Variants in MARCHF1 observed in about 807,000 individuals in gnomAD.
MARCHF1 encodes E3 ubiquitin-protein ligase MARCHF1.
A neutral mutation model predicts 54.2 loss-of-function variants in MARCHF1; 40 were observed. The observed-to-expected ratio is 0.74, with a 90% CI of 0.57 to 0.96. The LOEUF (loss-of-function observed/expected upper bound fraction) is 0.96. Ranked by LOEUF, MARCHF1 falls within the 40% of genes least tolerant of loss-of-function variation. The pLI, the probability that MARCHF1 is intolerant of heterozygous loss-of-function variation, is 0.00. For missense variants in MARCHF1, 586 were observed against 656.5 expected (o/e 0.89, Z 1.17); for synonymous variants, 236 against 236.3 (o/e 1.00, Z 0.01).
At chr4:163,563,833 A>G (rs1168293101) in intron 8 of MARCHF1, among the ~76,000 whole-genome samples, 1 of 152,246 alleles carries the variant, frequency 6.6e-6, no homozygotes, top group East Asian at 1.9e-4. Context: ...AGTGGATCTT[A>G]GAATACAGTT....
chr4:163,699,571 C>G (rs112324972), intron 5 of MARCHF1, among the ~76,000 whole-genome samples: 1 of 152,126 alleles, frequency 6.6e-6, no homozygotes, highest in African/African-American at 2.4e-5. Context: ...GGAAGTTGAT[C>G]TACTTTCTTT....
At chr4:164,282,519 T>C (rs910242421) in intron 1 of MARCHF1, among the ~76,000 whole-genome samples, 1 of 150,742 alleles carries the variant, frequency 6.6e-6, no homozygotes, top group Non-Finnish European at 1.5e-5. Flanking sequence ...TATACTACTT[T>C]CCCACCATTC....
intron 2 of MARCHF1, among the ~76,000 whole-genome samples, chr4:164,101,208 G>C (rs915431128): frequency 3.3e-5 from 5 of 152,186 alleles, no homozygotes; most frequent in African/African-American, 7.2e-5. Context: ...CATTGCCCAG[G>C]CTTGATTAGG....
intron 1 of MARCHF1, among the ~76,000 whole-genome samples, chr4:164,179,199 T>G (rs1045121000): frequency 6.6e-6 from 1 of 152,138 alleles, no homozygotes; most frequent in African/African-American, 2.4e-5. Flanking sequence ...AGAGGGAGAT[T>G]ATATTTTTCC....
intron 9 of MARCHF1, among the ~76,000 whole-genome samples, chr4:163,534,904 C>G (rs561061502): frequency 6.6e-6 from 1 of 152,028 alleles, no homozygotes; most frequent in African/African-American, 2.4e-5. Context: ...TTCCAATACT[C>G]TCCAGAAACA....
intron 1 of MARCHF1, among the ~76,000 whole-genome samples, chr4:164,173,890 AAC>A (rs1304174916): frequency 6.6e-6 from 1 of 152,202 alleles, no homozygotes; most frequent in Non-Finnish European, 1.5e-5. Context: ...AGAGCAGACT[AAC>A]ACACAATTCC....
chr4:163,719,957 T>A (rs1320246209), intron 4 of MARCHF1, among the ~76,000 whole-genome samples: 1 of 151,968 alleles, frequency 6.6e-6, no homozygotes, highest in Non-Finnish European at 1.5e-5. Context: ...ATTGCAAACA[T>A]TTTCTCCCAT....
chr4:164,358,887 A>G (rs7693375), intron 1 of MARCHF1, among the ~76,000 whole-genome samples: 65,086 of 151,836 alleles, frequency 0.43, 14,762 homozygotes, highest in Non-Finnish European at 0.5. Flanking sequence ...TGAAAACATA[A>G]AAATGTTAAA....
intron 1 of MARCHF1, among the ~76,000 whole-genome samples, chr4:164,172,188 C>T (rs7686392): frequency 0.64 from 97,615 of 152,010 alleles, 34,300 homozygotes; most frequent in Non-Finnish European, 0.82. Flanking sequence ...ATTATTTCCC[C>T]AGTGCCTAGA....
intron 1 of MARCHF1, among the ~76,000 whole-genome samples, chr4:164,354,791 G>A (rs1730470102): frequency 1.9e-5 from 2 of 106,022 alleles, no homozygotes. Flanking sequence ...AGGAAATAAA[G>A]GGTATTCAAT....
intron 3 of MARCHF1, among the ~76,000 whole-genome samples, chr4:163,889,788 C>T (rs938508784): frequency 2.6e-5 from 4 of 151,284 alleles, no homozygotes; most frequent in Non-Finnish European, 5.9e-5. Flanking sequence ...CCTCTTAATC[C>T]ACCTCAGCAT....
rs544547247 is a variant in MARCHF1, at chr4:163,723,835, A to T, written c.112-22972T>A. Among the ~76,000 whole-genome samples, 7 of 152,208 alleles carry T rather than the reference A, an allele frequency of 4.6e-5. No homozygotes were observed. In the East Asian group the frequency reaches 1.3e-3, roughly 29 times the overall value. On this transcript the variant is annotated intron_variant, in intron 4 of 9. Coordinates refer to ENST00000514618, the MANE Select transcript of MARCHF1 (RefSeq NM_001394959.1). ...ACGAATCGGCTACTGAAGCTTGTGC[A>T]TTTGTCACGTAGTTCTTGTGCCATG...
intron 1 of MARCHF1, among the ~76,000 whole-genome samples, chr4:164,167,308 A>G (rs966998410): frequency 4.6e-5 from 7 of 151,810 alleles, no homozygotes; most frequent in African/African-American, 1.7e-4. Flanking sequence ...GGTATATTAT[A>G]TTTGTGGATG....
intron 1 of MARCHF1, among the ~76,000 whole-genome samples, chr4:164,176,974 C>CCATATATATATATA (rs1730696778): frequency 6.7e-5 from 2 of 29,972 alleles, no homozygotes; most frequent in African/African-American, 2.6e-4. Context: ...CTCTCTCTCT[C>CCATATATATATATA]TCTCTCTATA....
chr4:163,728,716 T>G (rs1258798177), intron 4 of MARCHF1, among the ~76,000 whole-genome samples: 1 of 152,238 alleles, frequency 6.6e-6, no homozygotes, highest in African/African-American at 2.4e-5. Context: ...CCTTTCAGAT[T>G]TTCTACATAG....
intron 2 of MARCHF1, among the ~76,000 whole-genome samples, chr4:164,077,236 A>T (rs1362782440): frequency 5.3e-5 from 8 of 152,188 alleles, no homozygotes; most frequent in Non-Finnish European, 1.0e-4. Flanking sequence ...CATATCTGCA[A>T]CTATCTGATC....
chr4:163,825,966 A>G (rs2111074479), intron 4 of MARCHF1, among the ~76,000 whole-genome samples: 1 of 152,090 alleles, frequency 6.6e-6, no homozygotes, highest in East Asian at 1.9e-4. Flanking sequence ...CAGAGGAGTA[A>G]ATTGGCTATT....
chr4:163,697,642 C>T (rs1744677425), intron 5 of MARCHF1, among the ~76,000 whole-genome samples: 1 of 152,164 alleles, frequency 6.6e-6, no homozygotes, highest in African/African-American at 2.4e-5. Context: ...CCATTCCATT[C>T]TAGATGGAGT....
At chr4:163,790,303 G>A (rs1253556098) in intron 4 of MARCHF1, among the ~76,000 whole-genome samples, 1 of 152,024 alleles carries the variant, frequency 6.6e-6, no homozygotes, top group East Asian at 1.9e-4. Context: ...GAAATCAAAT[G>A]TCCTTAGCCC....
Sources: gnomAD v4.1 joint callset for allele counts (sites outside exome capture counted in the v4.1 genomes callset) on GRCh38, gnomAD v4.1.1 for gene constraint, MANE v1.5 for transcripts, NCBI Gene and HGNC (gene_info 2026-07-23, HGNC 2026-07-21) for gene names.